Variants in CUX1 observed in about 807,000 individuals in gnomAD.
The protein encoded by CUX1 is cut like homeobox 1, also known as protein CASP.
CUX1 carries 31 observed loss-of-function variants against 158.8 expected under a neutral mutation model. That is an observed-to-expected ratio of 0.20 (90% CI 0.15 to 0.26). The LOEUF is 0.26. Among genes scored for constraint, CUX1 ranks in the 10% least tolerant of loss-of-function variants. CUX1 has a pLI of 1.00. For missense variants in CUX1, 1,589 were observed against 2,014.6 expected (o/e 0.79, Z 4.04); for synonymous variants, 879 against 862.1 (o/e 1.02, Z -0.34).
At chr7:101,828,115 A>G (rs1480887219) in intron 1 of CUX1, among the ~76,000 whole-genome samples, 1 of 151,408 alleles carries the variant, frequency 6.6e-6, no homozygotes, top group Non-Finnish European at 1.5e-5. Context: ...AGCTGGGACT[A>G]CAGGCACCCA....
At chr7:102,034,530 G>A (rs1318611329) in intron 3 of CUX1, among the ~76,000 whole-genome samples, 3 of 151,874 alleles carry the variant, frequency 2.0e-5, no homozygotes, top group Non-Finnish European at 2.9e-5. Context: ...CGAGGTGGGC[G>A]GATCACAAGT....
chr7:102,044,201 G>A (rs1344946762), intron 3 of CUX1, among the ~76,000 whole-genome samples: 1 of 149,454 alleles, frequency 6.7e-6, no homozygotes. Context: ...GTTTTTTTTG[G>A]AAAGAGTCTT....
chr7:102,004,639 G>C (rs1817103036), intron 2 of CUX1, among the ~76,000 whole-genome samples: 1 of 152,146 alleles, frequency 6.6e-6, no homozygotes, highest in Non-Finnish European at 1.5e-5. Flanking sequence ...TGAGGCTTGG[G>C]AGTTATGCCT....
At chr7:101,912,757 G>A (rs553814595) in intron 1 of CUX1, among the ~76,000 whole-genome samples, 1 of 152,272 alleles carries the variant, frequency 6.6e-6, no homozygotes, top group South Asian at 2.1e-4. Flanking sequence ...ACAATACACC[G>A]TGTTTTTTTA....
In CUX1 at chr7:102,172,147, G is replaced by A. The variant is rs543420413; in HGVS notation, c.828+1597G>A. On this transcript the variant is annotated intron_variant, in intron 10 of 23. Transcript: ENST00000292535. Reference sequence around the variant, plus strand: ...GTCGCCCAGGCTGGAGTGTAGTGGCGTGATCTCAGCTCACTGCAACCTCCA... The same window carrying A: ...GTCGCCCAGGCTGGAGTGTAGTGGCATGATCTCAGCTCACTGCAACCTCCA... Among the ~76,000 whole-genome samples, 11 of 152,118 alleles carry A rather than the reference G, an allele frequency of 7.2e-5. No individual in the cohort carries two copies. In the South Asian group the frequency reaches 1.0e-3, roughly 14 times the overall value.
intron 17 of CUX1, chr7:102,275,403 A>G: frequency 6.7e-7 from 1 of 1,490,204 alleles, no homozygotes; most frequent in Admixed American, 1.8e-5. Context: ...GGGCCCAAGG[A>G]CACAGTTGGG....
Position 102,165,144 on chromosome 7 carries a change from C to A in CUX1, c.724-5302C>A, listed in dbSNP as rs142698435. Reference sequence around the variant, plus strand: ...GGGCCATGTCGCACATGAGACCCCCCAGCCCTCTCCCCACACCTTCGCCCC... The same window carrying A: ...GGGCCATGTCGCACATGAGACCCCCAAGCCCTCTCCCCACACCTTCGCCCC... On this transcript the variant is annotated intron_variant, in intron 9 of 23. Transcript: ENST00000292535. Among the ~76,000 whole-genome samples the A allele has an allele frequency of 4.6e-5, 7 of 152,218 alleles. No homozygotes were observed. The East Asian group carries it at 1.2e-3, about 25-fold the overall frequency.
At chr7:102,042,066 G>GTGTA (rs904106173) in intron 3 of CUX1, among the ~76,000 whole-genome samples, 1 of 152,030 alleles carries the variant, frequency 6.6e-6, no homozygotes, top group African/African-American at 2.4e-5. Context: ...GTGTGTGTGT[G>GTGTA]TGTATGTGTC....
At chr7:102,098,807 ATT>A (rs112048598) in intron 5 of CUX1, among the ~76,000 whole-genome samples, 11 of 67,968 alleles carry the variant, frequency 1.6e-4, no homozygotes, top group Admixed American at 6.1e-4. Flanking sequence ...CGCCCAACTA[ATT>A]TTTTTTTTTT....
rs76335204 is a variant in CUX1 at position 101,874,960 on chromosome 7, C to T, written c.31-41155C>T. On this transcript the variant is annotated intron_variant, in intron 1 of 23. Coordinates refer to ENST00000292535, the MANE Select transcript of CUX1 (RefSeq NM_181552.4). ...ACACCGCTGCTGTTAGACCTCATTC[C>T]ACCCCTTTAGTGGGGACCCACCGCG... Among the ~76,000 whole-genome samples the T allele has an allele frequency of 6.9e-3, 1,053 of 152,300 alleles. 12 individuals are homozygous for T. Among genetic ancestry groups the T allele is most frequent in the African/African-American group, 0.023 (974 of 41,562 alleles).
rs541497221 is a variant in CUX1, at chr7:102,180,837, T to G, written c.1017+2180T>G. 1.3e-4 allele frequency among the ~76,000 whole-genome samples: 20 copies of G among 151,910 alleles called. No individual in the cohort carries two copies. In the South Asian group the frequency reaches 2.5e-3, roughly 19 times the overall value. On this transcript the variant is annotated intron_variant, in intron 11 of 23. Coordinates refer to ENST00000292535, the MANE Select transcript of CUX1 (RefSeq NM_181552.4). ...CCTTGGAGGAGACAGTCCTGCCGACTTTGGGGAAATGGTTGAAACCTGGTT... is the reference window on the plus strand; with the variant it reads ...CCTTGGAGGAGACAGTCCTGCCGACGTTGGGGAAATGGTTGAAACCTGGTT...
At chr7:102,246,790 G>A (rs1286817505) in intron 23 of CUX1, among the ~76,000 whole-genome samples, 1 of 152,128 alleles carries the variant, frequency 6.6e-6, no homozygotes, top group Non-Finnish European at 1.5e-5. Context: ...GGCTGGTCTC[G>A]AACGCCGGGC....
intron 1 of CUX1, among the ~76,000 whole-genome samples, chr7:101,914,746 A>G (rs540228271): frequency 1.3e-5 from 2 of 151,992 alleles, no homozygotes; most frequent in African/African-American, 4.8e-5. Flanking sequence ...TGATCCACCC[A>G]CCTCGGCCTC....
rs10622369 is a variant in CUX1 at position 101,904,117 on chromosome 7, AAC to A, written c.31-11966_31-11965del. Reference sequence around the variant, plus strand: ...ACATGGCAAAACCGTGTCTTTACAAAACACACACACACACACACACACACACA... The same window carrying A: ...ACATGGCAAAACCGTGTCTTTACAAAACACACACACACACACACACACACA... On this transcript the variant is annotated intron_variant, in intron 1 of 23. Coordinates refer to ENST00000292535, the MANE Select transcript of CUX1 (RefSeq NM_181552.4). 9.3e-3 allele frequency among the ~76,000 whole-genome samples: 1,338 copies of A among 143,484 alleles called. 6 individuals carry two copies. Among genetic ancestry groups the A allele is most frequent in the Middle Eastern group, 0.021 (6 of 288 alleles). The allele number at this position is 143,484 out of a possible 152,430, so 94.1% of individuals were successfully genotyped here. A position where few individuals can be genotyped will look rare whatever the true frequency, so the allele number is the denominator to read the frequency against.
rs946366059 is a variant in CUX1 at position 102,250,223 on chromosome 7, A to G, written c.*1181A>G. 7 of 985,322 alleles carry G rather than the reference A, an allele frequency of 7.1e-6. No homozygotes were observed. Among genetic ancestry groups the G allele is most frequent in the East Asian group, 1.1e-4 (1 of 8,828 alleles). 61.0% of individuals were successfully genotyped at this position (985,322 alleles called of 1,614,324 possible). A position where few individuals can be genotyped will look rare whatever the true frequency, so the allele number is the denominator to read the frequency against. On this transcript the variant is annotated 3_prime_UTR_variant, in exon 24 of 24. Transcript: ENST00000292535. Reference sequence around the variant, plus strand: ...ATTTTGTTTAATTTATGGTGTCTCAATCTGTCTGTGCGTCTGCACGTGTGC... The same window carrying G: ...ATTTTGTTTAATTTATGGTGTCTCAGTCTGTCTGTGCGTCTGCACGTGTGC...
intron 1 of CUX1, among the ~76,000 whole-genome samples, chr7:101,870,541 G>C (rs929529030): frequency 6.6e-6 from 1 of 152,122 alleles, no homozygotes; most frequent in Non-Finnish European, 1.5e-5. Context: ...TAGGATCTGC[G>C]ATACTCCAGT....
intron 1 of CUX1, chr7:101,913,426 C>T (rs770220919): frequency 8.0e-7 from 1 of 1,249,008 alleles, no homozygotes; most frequent in South Asian, 1.3e-5. Context: ...GGCTCTGCAG[C>T]CCCGGGATCA....
chr7:102,220,432 C>T (rs910302222), intron 20 of CUX1, among the ~76,000 whole-genome samples: 5 of 152,204 alleles, frequency 3.3e-5, no homozygotes, highest in South Asian at 2.1e-4. Context: ...TCACTCCAGG[C>T]GTAAACCACC....
intron 8 of CUX1, among the ~76,000 whole-genome samples, chr7:102,124,125 A>T (rs1200266732): frequency 3.3e-5 from 5 of 152,184 alleles, no homozygotes; most frequent in Admixed American, 6.5e-5. Flanking sequence ...GGGATCTTGC[A>T]GTGTATATGT....
Sources: allele counts gnomAD v4.1 joint callset (sites outside exome capture counted in the v4.1 genomes callset), GRCh38; gene constraint gnomAD v4.1.1; transcripts MANE v1.5; gene names NCBI Gene and HGNC (gene_info 2026-07-23, HGNC 2026-07-21).